Variants in KCNH8 observed in about 807,000 individuals in gnomAD.
The protein encoded by KCNH8 is voltage-gated delayed rectifier potassium channel KCNH8.
KCNH8 carries 70 observed loss-of-function variants against 103.6 expected under a neutral mutation model. The observed-to-expected ratio is 0.68, with a 90% CI of 0.56 to 0.82. KCNH8 has a LOEUF of 0.82. Ranked by LOEUF, KCNH8 falls within the 40% of genes least tolerant of loss-of-function variation. The pLI is 0.00. For synonymous variants in KCNH8, 498 were observed against 489.4 expected, an observed-to-expected ratio of 1.02 and a Z score of -0.23; for missense variants, 1,217 against 1,329.9, an observed-to-expected ratio of 0.92 and a Z score of 1.32.
At chr3:19,242,368 C>T (rs1287876276) in intron 1 of KCNH8, among the ~76,000 whole-genome samples, 2 of 152,140 alleles carry the variant, frequency 1.3e-5, no homozygotes, top group Admixed American at 1.3e-4. Flanking sequence ...GGAGGCTGGG[C>T]AACCACTTTA....
At chr3:19,362,408 G>A (rs972792679) in intron 5 of KCNH8, among the ~76,000 whole-genome samples, 1 of 152,082 alleles carries the variant, frequency 6.6e-6, no homozygotes, top group African/African-American at 2.4e-5. Context: ...AGATTGGTTT[G>A]TCCAGATTCA....
intron 7 of KCNH8, among the ~76,000 whole-genome samples, chr3:19,433,171 A>G (rs918134404): frequency 1.3e-5 from 2 of 152,170 alleles, no homozygotes; most frequent in Non-Finnish European, 2.9e-5. Flanking sequence ...GTAGACTATT[A>G]TGAACTGGCA....
In KCNH8 at chr3:19,343,590, C is replaced by A. The variant is rs897357263; in HGVS notation, c.570+876C>A. Among the ~76,000 whole-genome samples, 7 of 152,120 alleles carry A rather than the reference C, an allele frequency of 4.6e-5. 1 individual carries two copies. The highest frequency in any genetic ancestry group is 6.8e-3 in the Middle Eastern group (2 of 294). Reference sequence around the variant, plus strand: ...GATTAAATACCAGCATCTAACTTGCCAATGACAAGAAAAAGTCACATGAAA... The same window carrying A: ...GATTAAATACCAGCATCTAACTTGCAAATGACAAGAAAAAGTCACATGAAA... On this transcript the variant is annotated intron_variant, in intron 4 of 15. Transcript: ENST00000328405.
At chr3:19,364,559 C>T (rs1397634117) in intron 5 of KCNH8, among the ~76,000 whole-genome samples, 3 of 152,108 alleles carry the variant, frequency 2.0e-5, no homozygotes, top group Non-Finnish European at 4.4e-5. Flanking sequence ...AAATCTAAGC[C>T]TGCGTATATA....
At chr3:19,478,359 ACT>A (rs1206500367) in intron 11 of KCNH8, among the ~76,000 whole-genome samples, 3 of 151,264 alleles carry the variant, frequency 2.0e-5, no homozygotes, top group Non-Finnish European at 4.4e-5. Flanking sequence ...AAATCTCCAT[ACT>A]CTTTTTCATA....
chr3:19,237,035 G>A (rs1217684453), intron 1 of KCNH8, among the ~76,000 whole-genome samples: 1 of 152,192 alleles, frequency 6.6e-6, no homozygotes, highest in Admixed American at 6.5e-5. Flanking sequence ...GGTAAATACA[G>A]TTCTTATGGC....
At chr3:19,409,223 TAAAG>T (rs1486977184) in intron 7 of KCNH8, among the ~76,000 whole-genome samples, 2 of 152,226 alleles carry the variant, frequency 1.3e-5, no homozygotes, top group African/African-American at 4.8e-5. Flanking sequence ...CTTTAACAGT[TAAAG>T]AAAAGAAATT....
At chr3:19,464,775 G>C (rs2125195516) in intron 11 of KCNH8, among the ~76,000 whole-genome samples, 1 of 152,030 alleles carries the variant, frequency 6.6e-6, no homozygotes, top group South Asian at 2.1e-4. Context: ...TATCCAAATG[G>C]CATATCCAAA....
chr3:19,428,112 A>AC (rs1215694098), intron 7 of KCNH8, among the ~76,000 whole-genome samples: 1 of 152,198 alleles, frequency 6.6e-6, no homozygotes, highest in Non-Finnish European at 1.5e-5. Context: ...TTTTGCTTTA[A>AC]CCTTCTTAAG....
chr3:19,401,807 G>T (rs977842221), intron 7 of KCNH8, among the ~76,000 whole-genome samples: 1 of 151,878 alleles, frequency 6.6e-6, no homozygotes, highest in African/African-American at 2.4e-5. Context: ...GGGGCATTTA[G>T]ATAGTAAGAA....
intron 5 of KCNH8, among the ~76,000 whole-genome samples, chr3:19,387,652 A>G (rs138438684): frequency 4.7e-4 from 71 of 152,284 alleles, no homozygotes; most frequent in African/African-American, 1.7e-3. Context: ...TAAGTGTATC[A>G]TAGACCTAGA....
chr3:19,499,750 G>C (rs1241644591), intron 11 of KCNH8, among the ~76,000 whole-genome samples: 2 of 152,052 alleles, frequency 1.3e-5, no homozygotes, highest in African/African-American at 2.4e-5. Flanking sequence ...AGAGATTTTT[G>C]TCACCACCAG....
chr3:19,159,360 A>G (rs1384266719), intron 1 of KCNH8, among the ~76,000 whole-genome samples: 1 of 151,852 alleles, frequency 6.6e-6, no homozygotes, highest in African/African-American at 2.4e-5. Flanking sequence ...TATGGTATAT[A>G]TATACACATA....
chr3:19,231,991 C>G (rs1264785054), intron 1 of KCNH8, among the ~76,000 whole-genome samples: 2 of 152,234 alleles, frequency 1.3e-5, no homozygotes, highest in Admixed American at 6.5e-5. Flanking sequence ...TACACAGCCT[C>G]TAGCTCAATT....
intron 7 of KCNH8, among the ~76,000 whole-genome samples, chr3:19,399,469 A>G (rs2066575926): frequency 6.6e-6 from 1 of 151,984 alleles, no homozygotes; most frequent in Non-Finnish European, 1.5e-5. Flanking sequence ...TCTGATTTGC[A>G]GCTCAAAAGC....
At chr3:19,438,135 T>C in intron 7 of KCNH8, 29 bp from the exon 8 acceptor site, 1 of 1,574,252 alleles carries the variant, frequency 6.4e-7, no homozygotes, top group Non-Finnish European at 8.7e-7. Context: ...CTTTTTCTTC[T>C]CTCATTTGCT....
chr3:19,179,098 A>G (rs2125200490), intron 1 of KCNH8, among the ~76,000 whole-genome samples: 1 of 152,156 alleles, frequency 6.6e-6, no homozygotes, highest in South Asian at 2.1e-4. Context: ...CTGAGAGATT[A>G]TTTACCCTAA....
At chr3:19,159,065 G>A (rs2063208661) in intron 1 of KCNH8, among the ~76,000 whole-genome samples, 2 of 151,682 alleles carry the variant, frequency 1.3e-5, no homozygotes, top group Non-Finnish European at 3.0e-5. Context: ...ATATATTTGT[G>A]CTTTATTAGA....
At chr3:19,328,937 A>G (rs2065468069) in intron 3 of KCNH8, among the ~76,000 whole-genome samples, 2 of 152,304 alleles carry the variant, frequency 1.3e-5, no homozygotes, top group East Asian at 1.9e-4. Context: ...TGTCAGAAAT[A>G]TGTTCTAAAA....
Sources: gnomAD v4.1 joint callset for allele counts (sites outside exome capture counted in the v4.1 genomes callset) on GRCh38, gnomAD v4.1.1 for gene constraint, MANE v1.5 for transcripts, NCBI Gene and HGNC (gene_info 2026-07-23, HGNC 2026-07-21) for gene names.